ZNF746: variants seen among roughly 807,000 people sequenced by gnomAD.
ZNF746 encodes the protein parkin-interacting substrate.
A neutral mutation model predicts 41.0 loss-of-function variants in ZNF746; 13 were observed. The ratio of observed to expected loss-of-function variants is 0.32; its 90% confidence interval spans 0.21 to 0.50. The LOEUF is 0.50. Ranked by LOEUF, ZNF746 falls within the 20% of genes least tolerant of loss-of-function variation. The pLI, the probability that ZNF746 is intolerant of heterozygous loss-of-function variation, is 0.98. For missense variants in ZNF746, 811 were observed against 922.9 expected, an observed-to-expected ratio of 0.88 and a Z score of 1.57; for synonymous variants, 424 against 396.2, an observed-to-expected ratio of 1.07 and a Z score of -0.83.
Position 149,475,403 on chromosome 7 carries a change from C to A in ZNF746, c.964G>T (p.Ala322Ser). ...CCTGGTCCAAACAGGGTCCCGTGAG[C>A]CTCTAGGTCAGTAGGATGTACGGGT... is the stretch of plus-strand genomic sequence containing the variant. ...ATPVHPTDLE[A>S]HGTLFGPGQA... Residue 322 changes from alanine to serine, a missense_variant, in exon 7 of 7, where the codon GCT (alanine) becomes TCT (serine). By Grantham distance (99) the Ala-to-Ser change is moderately conservative. Transcript: ENST00000458143. 6.2e-7 allele frequency: 1 copy of A among 1,614,230 alleles called. No homozygotes were observed. The highest frequency in any genetic ancestry group is 8.5e-7 in the Non-Finnish European group (1 of 1,180,026).
chr7:149,477,503 T>TC, intron 5 of ZNF746, 61 bp downstream of exon 5: 1 of 1,523,292 alleles, frequency 6.6e-7, no homozygotes, highest in Non-Finnish European at 8.9e-7. Flanking sequence ...CCACGAGCCC[T>TC]CCCCTGTCCC....
rs961128648 is a variant in ZNF746 at position 149,494,763 on chromosome 7, A to G, written c.25-260T>C. 2.0e-5 allele frequency among the ~76,000 whole-genome samples: 3 copies of G among 151,080 alleles called. No homozygotes were observed. The highest frequency in any genetic ancestry group is 4.9e-5 in the African/African-American group (2 of 41,022). On this transcript the variant is annotated intron_variant, in intron 1 of 6. Coordinates refer to ENST00000458143, the MANE Select transcript of ZNF746 (RefSeq NM_001394198.1). This position sits in a 1 kb window ranked among gnomAD's most constrained non-coding sequence, Gnocchi z 5.6. ...CACGGTGCTTATCACCCTACACAAT[A>G]ATTTCCTACCCACACCTACACTGTG...
In ZNF746 at chr7:149,476,961, C is replaced by T; in HGVS notation, c.844G>A (p.Asp282Asn). The change falls in exon 6 of 7, where the codon GAC becomes AAC. Residue 282 changes from aspartate (D) to asparagine (N), a missense_variant. By Grantham distance (23) the Asp-to-Asn change is conservative (BLOSUM62 1). Around this residue, in one of 4 missense-constraint regions of ZNF746, gnomAD observed 495 missense variants for 481.6 expected, o/e 1.03. Coordinates refer to ENST00000458143, the MANE Select transcript of ZNF746 (RefSeq NM_001394198.1). ...PPHHPSSACS[D>N]GTLKLNTAAS... ...GCTGTGTTGAGCTTCAGGGTCCCGT[C>T]CGAGCATGCTGAAGAGGGATGGTGG... The T allele has an allele frequency of 6.2e-7, 1 of 1,614,028 alleles. No homozygotes were observed. The highest frequency in any genetic ancestry group is 1.7e-5 in the Admixed American group (1 of 60,024).
In ZNF746 at chr7:149,474,888, C is replaced by G; in HGVS notation, c.1479G>C (p.Ala493=). The G allele has an allele frequency of 6.6e-7, 1 of 1,516,500 alleles. No homozygotes were observed. The highest frequency in any genetic ancestry group is 8.8e-7 in the Non-Finnish European group (1 of 1,137,876). 93.9% of individuals were successfully genotyped at this position (1,516,500 alleles called of 1,614,324 possible). A position where few individuals can be genotyped will look rare whatever the true frequency, so the allele number is the denominator to read the frequency against. The change falls in exon 7 of 7, where the codon GCG becomes GCC. Residue 493 remains alanine, a synonymous_variant. Transcript: ENST00000458143. The surrounding 1 kb of genome is among the most constrained non-coding windows in gnomAD (Gnocchi z 6.3). ...CTGTGCCCGGGCCCGACCCGTCGGGCGCCCCACAGCTGCGCTGGTGCGCGC... is the reference window on the plus strand; with the variant it reads ...CTGTGCCCGGGCCCGACCCGTCGGGGGCCCCACAGCTGCGCTGGTGCGCGC... ...SLSAHQRSCG[A]PDGSGPGTGG... is the part of the protein sequence containing the mutation.
At chr7:149,493,873 G>A (rs556795809) in intron 3 of ZNF746, 116 bp downstream of exon 3, 2 of 1,541,688 alleles carry the variant, frequency 1.3e-6, no homozygotes, top group African/African-American at 1.4e-5. Context: ...CAACTTGCAA[G>A]GTCAACAATG....
chr7:149,483,695 A>C (rs912157142), intron 4 of ZNF746, among the ~76,000 whole-genome samples: 2 of 152,162 alleles, frequency 1.3e-5, no homozygotes, highest in Admixed American at 6.6e-5. Context: ...ACATTTAAGA[A>C]CCTTTTCAAA....
intron 4 of ZNF746, among the ~76,000 whole-genome samples, chr7:149,478,607 G>C (rs1235601659): frequency 6.6e-6 from 1 of 152,126 alleles, no homozygotes. Context: ...TCCACAGGGG[G>C]CTCCTAAGGG....
Position 149,474,503 on chromosome 7 carries a change from C to T in ZNF746, c.1864G>A (p.Ala622Thr). ...ARGQPLPTPPAPPDPFKSPAS... is the reference protein window; with the variant it reads ...ARGQPLPTPPTPPDPFKSPAS... ...GGGCTCTTGAAGGGATCAGGAGGTG[C>T]GGGCGGCGTCGGGAGTGGCTGGCCT... Residue 622 changes from alanine (A) to threonine (T), a missense_variant, in exon 7 of 7, where the codon GCA (alanine) becomes ACA (threonine). Transcript: ENST00000458143. This position sits in a 1 kb window ranked among gnomAD's most constrained non-coding sequence, Gnocchi z 6.3. 1 of 1,608,586 alleles carries T rather than the reference C, an allele frequency of 6.2e-7. No homozygotes were observed.
At chr7:149,491,908 T>C (rs1305737388) in intron 4 of ZNF746, 7 of 701,690 alleles carry the variant, frequency 1.0e-5, no homozygotes, top group Non-Finnish European at 1.6e-5. Flanking sequence ...TTCCCTTAAC[T>C]TTCAAAGGTG....
At position 149,477,160 on chromosome 7, in the gene ZNF746, T is replaced by G. The variant is rs1033145764; in HGVS notation, c.758-113A>C. The G allele has an allele frequency of 1.9e-5, 26 of 1,358,070 alleles. No individual in the cohort carries two copies. The African/African-American group carries it at 3.8e-4, about 20-fold the overall frequency. The allele number at this position is 1,358,070 out of a possible 1,614,324, so 84.1% of individuals were successfully genotyped here. On this transcript the variant is annotated intron_variant, in intron 5 of 6. Transcript: ENST00000458143. ...GAGGTCCCCCCACTGGGGGCTTTTC[T>G]GAGTGGGCACGAGGACCCAACCTCT...
Position 149,474,343 on chromosome 7 carries a change from T to A in ZNF746, c.*41A>T. 3 of 1,568,174 alleles carry A rather than the reference T, an allele frequency of 1.9e-6. No individual in the cohort carries two copies. Among genetic ancestry groups the A allele is most frequent in the Non-Finnish European group, 2.6e-6 (3 of 1,157,002 alleles). On this transcript the variant is annotated 3_prime_UTR_variant, in exon 7 of 7. Transcript: ENST00000458143. The surrounding 1 kb of genome is among the most constrained non-coding windows in gnomAD (Gnocchi z 6.3). ...GCCCTGCTGCCTGCACACGGGGCTT[T>A]TTACACGTGCGGCCGGCAGGGGCTA... is the stretch of plus-strand genomic sequence containing the variant.
intron 4 of ZNF746, among the ~76,000 whole-genome samples, chr7:149,481,135 C>G (rs1800472894): frequency 6.6e-6 from 1 of 152,194 alleles, no homozygotes; most frequent in Non-Finnish European, 1.5e-5. Flanking sequence ...ATGGCAGATT[C>G]TCAATAGCAA....
rs767420322 is a variant in ZNF746, at chr7:149,492,967, C to A, written c.457G>T (p.Ala153Ser). 3 of 1,612,040 alleles carry A rather than the reference C, an allele frequency of 1.9e-6. No homozygotes were observed. The highest frequency in any genetic ancestry group is 2.2e-5 in the South Asian group (2 of 91,006). Residue 153 changes from alanine to serine, a missense_variant, in exon 4 of 7, where the codon GCC becomes TCC. Ala to Ser is a moderately conservative substitution (Grantham distance 99). Coordinates refer to ENST00000458143, the MANE Select transcript of ZNF746 (RefSeq NM_001394198.1). ...NYETLVSLDYAISKPEVLSQI... is the reference protein window; with the variant it reads ...NYETLVSLDYSISKPEVLSQI... ...GAGAGGACCTCGGGCTTGGAGATGG[C>A]GTAGTCTGAGGAAAGACAGAAGGTT...
At chr7:149,487,614 A>C (rs1402483180) in intron 4 of ZNF746, 4 of 152,222 alleles carry the variant, frequency 2.6e-5, no homozygotes, top group Non-Finnish European at 5.9e-5. Flanking sequence ...GAAACAAACC[A>C]TTAGACATGA....
At chr7:149,482,099 C>T (rs1163656808) in intron 4 of ZNF746, among the ~76,000 whole-genome samples, 3 of 152,324 alleles carry the variant, frequency 2.0e-5, no homozygotes, top group East Asian at 1.9e-4. Context: ...TTTGTACTCA[C>T]GGCTTGTTTT....
rs375059599 is a variant in ZNF746, at chr7:149,475,408, A to T, written c.959T>A (p.Leu320Gln). The change falls in exon 7 of 7, where the codon CTA becomes CAA. Residue 320 changes from leucine (L) to glutamine (Q), a missense_variant. Leu to Gln is a moderately radical substitution (Grantham distance 113). Transcript: ENST00000458143. ...VVATPVHPTD[L>Q]EAHGTLFGPG... ...TCCAAACAGGGTCCCGTGAGCCTCT[A>T]GGTCAGTAGGATGTACGGGTGTGGC... The T allele has an allele frequency of 6.2e-7, 1 of 1,614,036 alleles. No individual in the cohort carries two copies. Among genetic ancestry groups the T allele is most frequent in the African/African-American group, 1.3e-5 (1 of 74,932 alleles).
At chr7:149,493,702 C>G (rs1158215845) in intron 3 of ZNF746, among the ~76,000 whole-genome samples, 1 of 152,178 alleles carries the variant, frequency 6.6e-6, no homozygotes, top group East Asian at 1.9e-4. Flanking sequence ...GCAGATGGGG[C>G]CTTCCCCGCT....
intron 4 of ZNF746, among the ~76,000 whole-genome samples, chr7:149,486,353 C>T (rs1464404679): frequency 1.7e-5 from 2 of 120,308 alleles, no homozygotes; most frequent in Non-Finnish European, 3.6e-5. Context: ...CCAGCAGTTC[C>T]GCTCCTGGAT....
In ZNF746 at chr7:149,496,671, T is replaced by G. The variant is rs374195916; in HGVS notation, c.24+842A>C. ...TCTAGCTGGGCCTGAAATCCTAGCC[T>G]TCCCTAAAAGCCCGGCTCAAATCAC... On this transcript the variant is annotated intron_variant, in intron 1 of 6. Transcript: ENST00000458143. 1.4e-3 allele frequency among the ~76,000 whole-genome samples: 218 copies of G among 152,202 alleles called. 1 individual carries two copies. The highest frequency in any genetic ancestry group is 3.4e-3 in the Middle Eastern group (1 of 294).
Sources: gnomAD v4.1 joint callset for allele counts (sites outside exome capture counted in the v4.1 genomes callset) on GRCh38, gnomAD v4.1.1 for gene constraint, gnomAD v4.1.1 regional missense constraint, Gnocchi (gnomAD v3.1) non-coding constraint, MANE v1.5 for transcripts, NCBI Gene and HGNC (gene_info 2026-07-23, HGNC 2026-07-21) for gene names.